The following SETD3 variants were observed in gnomAD, a reference collection of about 807,000 sequenced individuals.
SETD3 encodes actin-histidine N-methyltransferase.
A neutral mutation model predicts 63.0 loss-of-function variants in SETD3; 19 were observed. The observed-to-expected ratio is 0.30, with a 90% CI of 0.21 to 0.44. The LOEUF is 0.44. Ranked by LOEUF, SETD3 falls within the 20% of genes least tolerant of loss-of-function variation. The probability of loss-of-function intolerance (pLI) is 1.00; values close to 1 mark genes in which losing one functional copy is unlikely to be tolerated. For missense variants in SETD3, 587 were observed against 728.5 expected, an observed-to-expected ratio of 0.81 and a Z score of 2.24; for synonymous variants, 286 against 264.1, an observed-to-expected ratio of 1.08 and a Z score of -0.80.
intron 6 of SETD3, among the ~76,000 whole-genome samples, chr14:99,427,252 T>C (rs761076985): frequency 1.2e-4 from 19 of 152,220 alleles, no homozygotes; most frequent in Non-Finnish European, 2.2e-4. Flanking sequence ...ACTTCTCCAT[T>C]TGACTGGAAG....
chr14:99,412,662 A>T (rs750145681), intron 8 of SETD3: 14 of 292,478 alleles, frequency 4.8e-5, no homozygotes, highest in Non-Finnish European at 6.9e-5. Flanking sequence ...AAGAAAATGA[A>T]TGTTGAGGCT....
intron 6 of SETD3, among the ~76,000 whole-genome samples, chr14:99,416,541 T>C (rs113279434): frequency 4.9e-4 from 74 of 152,290 alleles, no homozygotes; most frequent in African/African-American, 1.6e-3. Context: ...TCCAAACCAA[T>C]TGTAACTGTA....
At position 99,465,717 on chromosome 14, in the gene SETD3, C is replaced by T; in HGVS notation, c.89G>A (p.Ser30Asn). 1 of 1,613,936 alleles carries T rather than the reference C, an allele frequency of 6.2e-7. No homozygotes were observed. Among genetic ancestry groups the T allele is most frequent in the South Asian group, 1.1e-5 (1 of 91,038 alleles). Residue 30 changes from serine to asparagine, a missense_variant, in exon 2 of 13, where the codon AGT (serine) becomes AAT (asparagine). Physicochemically the swap from Ser to Asn is conservative, Grantham distance 46. Coordinates refer to ENST00000331768, the MANE Select transcript of SETD3 (RefSeq NM_032233.3). The stretch of plus-strand genomic sequence containing the variant: ...GGAGGACTTACTCTGCAGCAGCTCA[C>T]TGGTCAGGTTCAAGATTTCCTTTGG... ...VSPKEILNLT[S>N]ELLQKCSSPA...
chr14:99,434,378 C>T (rs1595196469), intron 6 of SETD3, among the ~76,000 whole-genome samples: 1 of 152,106 alleles, frequency 6.6e-6, no homozygotes, highest in African/African-American at 2.4e-5. Flanking sequence ...GAGAAGAGTG[C>T]TTACCCCTGA....
intron 8 of SETD3, among the ~76,000 whole-genome samples, chr14:99,407,496 T>C (rs1270109): frequency 0.025 from 3,852 of 152,270 alleles, 151 homozygotes; most frequent in African/African-American, 0.087. Context: ...AATACTGTCC[T>C]TCTGGAGTTG....
At chr14:99,484,662 A>G (rs374974519), upstream of SETD3, among the ~76,000 whole-genome samples, 43 of 152,322 alleles carry the variant, frequency 2.8e-4, no homozygotes, top group African/African-American at 9.9e-4. Flanking sequence ...AGGACAGATA[A>G]AAATCAATAT....
chr14:99,446,214 C>A (rs1168026912), intron 6 of SETD3, among the ~76,000 whole-genome samples: 1 of 152,176 alleles, frequency 6.6e-6, no homozygotes, highest in Non-Finnish European at 1.5e-5. Context: ...TCTGTCAGGG[C>A]CCTCAGCCCA....
At chr14:99,484,376 G>T (rs1233598516), upstream of SETD3, among the ~76,000 whole-genome samples, 1 of 152,148 alleles carries the variant, frequency 6.6e-6, no homozygotes, top group African/African-American at 2.4e-5. Flanking sequence ...CATGTGCTAT[G>T]CACATCATAT....
intron 1 of SETD3, among the ~76,000 whole-genome samples, chr14:99,467,804 A>C (rs192371399): frequency 6.6e-6 from 1 of 152,160 alleles, no homozygotes; most frequent in Non-Finnish European, 1.5e-5. Flanking sequence ...ACCGGCCCTC[A>C]CAGGGTGCCC....
At chr14:99,473,513 C>T (rs2139815932) in intron 1 of SETD3, among the ~76,000 whole-genome samples, 1 of 152,222 alleles carries the variant, frequency 6.6e-6, no homozygotes, top group East Asian at 1.9e-4. Context: ...ACTTATCTGG[C>T]AATTTATCCA....
At chr14:99,473,758 T>C (rs1895825367) in intron 1 of SETD3, among the ~76,000 whole-genome samples, 1 of 152,242 alleles carries the variant, frequency 6.6e-6, no homozygotes, top group African/African-American at 2.4e-5. Context: ...AGGATCAGAT[T>C]ACTACATTCA....
At chr14:99,424,134 T>C (rs1892749401) in intron 6 of SETD3, among the ~76,000 whole-genome samples, 1 of 152,222 alleles carries the variant, frequency 6.6e-6, no homozygotes, top group African/African-American at 2.4e-5. Context: ...TGGAATAGAA[T>C]GCAGGAAATC....
At chr14:99,405,393 A>T (rs1184009397) in intron 9 of SETD3, 22 bp from the exon 10 acceptor site, 1 of 1,607,274 alleles carries the variant, frequency 6.2e-7, no homozygotes, top group Non-Finnish European at 8.5e-7. Flanking sequence ...TAAAGAAAAA[A>T]GAAAAGGGCA....
chr14:99,407,041 T>G (rs1420141732), intron 8 of SETD3, among the ~76,000 whole-genome samples: 1 of 152,222 alleles, frequency 6.6e-6, no homozygotes, highest in Non-Finnish European at 1.5e-5. Context: ...TCCAAGTGGG[T>G]GTTCCATTGG....
chr14:99,400,571 T>C (rs1891336740), intron 11 of SETD3, among the ~76,000 whole-genome samples: 1 of 152,132 alleles, frequency 6.6e-6, no homozygotes. Flanking sequence ...TTAAAGACAA[T>C]CTACAGCCAT....
chr14:99,466,096 A>G (rs2139795620), intron 1 of SETD3, among the ~76,000 whole-genome samples: 1 of 152,238 alleles, frequency 6.6e-6, no homozygotes, highest in South Asian at 2.1e-4. Context: ...TTTTTTAATT[A>G]CATAGATTTC....
rs796164638 is a variant in SETD3, at chr14:99,425,503, T to C, written c.676-11569A>G. 7.2e-5 allele frequency among the ~76,000 whole-genome samples: 11 copies of C among 152,366 alleles called. 1 individual carries two copies. Among genetic ancestry groups the C allele is most frequent in the African/African-American group, 2.4e-4 (10 of 41,592 alleles). On this transcript the variant is annotated intron_variant, in intron 6 of 12. Coordinates refer to ENST00000331768, the MANE Select transcript of SETD3 (RefSeq NM_032233.3). The stretch of plus-strand genomic sequence containing the variant: ...CTGGAGCAAGTGCCTAAGGTTTCTG[T>C]GCTCAGTGGAACATTCTCAGCAAAC...
chr14:99,467,819 A>G (rs947826191), intron 1 of SETD3, among the ~76,000 whole-genome samples: 10 of 152,174 alleles, frequency 6.6e-5, no homozygotes, highest in Non-Finnish European at 1.0e-4. Flanking sequence ...GTGCCCACCA[A>G]CAGCTACAAA....
In SETD3 at chr14:99,458,491, T is replaced by C; in HGVS notation, c.463A>G (p.Ile155Val). ...CACAGCAAATGAAAGGCCAGTGCGATGTTTCCCATGGCTTGAAGGATTCGG... is the reference window on the plus strand; with the variant it reads ...CACAGCAAATGAAAGGCCAGTGCGACGTTTCCCATGGCTTGAAGGATTCGG... ...QDRILQAMGN[I>V]ALAFHLLCER... Residue 155 changes from isoleucine to valine, a missense_variant, in exon 6 of 13, where the codon ATC becomes GTC. Ile to Val is a conservative substitution (Grantham distance 29). Coordinates refer to ENST00000331768, the MANE Select transcript of SETD3 (RefSeq NM_032233.3). 1.9e-6 allele frequency: 3 copies of C among 1,614,186 alleles called. No homozygotes were observed. The highest frequency in any genetic ancestry group is 2.5e-6 in the Non-Finnish European group (3 of 1,180,018).
Sources: allele counts gnomAD v4.1 joint callset (sites outside exome capture counted in the v4.1 genomes callset), GRCh38; gene constraint gnomAD v4.1.1; transcripts MANE v1.5; gene names NCBI Gene and HGNC (gene_info 2026-07-23, HGNC 2026-07-21).